The following EDA variants were observed in gnomAD, a reference collection of about 807,000 sequenced individuals.
EDA encodes ectodysplasin-A.
A neutral mutation model predicts 23.6 loss-of-function variants in EDA; 2 were observed. The ratio of observed to expected loss-of-function variants is 0.08; its 90% CI spans 0.03 to 0.27. The LOEUF is 0.27. EDA is among the 10% of genes least tolerant of loss of function. The pLI is 1.00. For synonymous variants in EDA, 131 were observed against 132.0 expected (o/e 0.99, Z 0.05); for missense variants, 229 against 324.2 (o/e 0.71, Z 2.26).
intron 1 of EDA, among the ~76,000 whole-genome samples, chrX:69,686,533 AT>A (rs1934549671): frequency 9.0e-6 from 1 of 111,639 alleles, no homozygotes; most frequent in Non-Finnish European, 1.9e-5. Context: ...ATCATAATCA[AT>A]TTTAGAGACA....
In EDA at chrX:69,881,194, A is replaced by AT. The variant is rs1391282765; in HGVS notation, c.397-75822dup. The stretch of plus-strand genomic sequence containing the variant: ...CTAGCTTTCCGACATTTTTGTTTTA[A>AT]TTTTTTTTTTTAAGGATAGCTCTTA... On this transcript the variant is annotated intron_variant, in intron 1 of 7. Transcript: ENST00000374552. Among the ~76,000 whole-genome samples the AT allele has an allele frequency of 4.6e-4, 49 of 105,870 alleles. 1 individual carries two copies. Among genetic ancestry groups the AT allele is most frequent in the Admixed American group, 8.1e-4 (8 of 9,906 alleles). The allele number at this position is 105,870 out of a possible 115,157, so 91.9% of individuals were successfully genotyped here.
chrX:69,645,598 G>GTATATATATATA (rs1398841742), intron 1 of EDA, among the ~76,000 whole-genome samples: 1 of 31,991 alleles, frequency 3.1e-5, no homozygotes, highest in African/African-American at 2.4e-4. Flanking sequence ...ATATATGTGT[G>GTATATATATATA]TGTGTATATA....
chrX:69,670,183 G>GT (rs544601085), intron 1 of EDA: 11,705 of 221,243 alleles, frequency 0.053, 32 homozygotes, highest in East Asian at 0.11. Context: ...TTGGCTGACT[G>GT]TTTTTTTTTT....
intron 1 of EDA, among the ~76,000 whole-genome samples, chrX:69,762,577 T>C (rs2014342262): frequency 8.9e-6 from 1 of 112,086 alleles, no homozygotes; most frequent in Admixed American, 9.5e-5. Flanking sequence ...GTGTGGACTG[T>C]GGCCCAAGCA....
chrX:69,635,646 G>C (rs376561499), intron 1 of EDA, among the ~76,000 whole-genome samples: 23 of 96,419 alleles, frequency 2.4e-4, no homozygotes, highest in East Asian at 1.9e-3. Flanking sequence ...TCGGCTCACT[G>C]CAACCTCTGC....
intron 1 of EDA, among the ~76,000 whole-genome samples, chrX:69,772,210 T>C (rs1388959506): frequency 8.9e-6 from 1 of 112,043 alleles, no homozygotes; most frequent in East Asian, 2.8e-4. Context: ...TCCTCTCACC[T>C]TGGCCTCCCA....
chrX:69,970,984 T>C (rs1333457797), intron 2 of EDA, among the ~76,000 whole-genome samples: 2 of 112,242 alleles, frequency 1.8e-5, no homozygotes, highest in Non-Finnish European at 3.8e-5. Flanking sequence ...CTAAAATATT[T>C]CATATGGATT....
chrX:69,776,210 G>A (rs745337441), intron 1 of EDA, among the ~76,000 whole-genome samples: 1 of 111,838 alleles, frequency 8.9e-6, no homozygotes, highest in Non-Finnish European at 1.9e-5. Context: ...TCAATTTGAT[G>A]CCAGGCAAGC....
intron 1 of EDA, among the ~76,000 whole-genome samples, chrX:69,704,020 G>C (rs775371363): frequency 8.9e-6 from 1 of 112,084 alleles, no homozygotes; most frequent in South Asian, 3.7e-4. Flanking sequence ...AGGCATTGAT[G>C]AAAAGAGTTG....
At chrX:69,636,270 C>G (rs1379247042) in intron 1 of EDA, among the ~76,000 whole-genome samples, 1 of 109,779 alleles carries the variant, frequency 9.1e-6, no homozygotes, top group Non-Finnish European at 1.9e-5. Context: ...TGCTCCCTTT[C>G]TCACCATGTG....
intron 1 of EDA, among the ~76,000 whole-genome samples, chrX:69,747,446 T>C (rs957914012): frequency 8.9e-6 from 1 of 112,670 alleles, no homozygotes; most frequent in Non-Finnish European, 1.9e-5. Context: ...TTATAAGCCA[T>C]GTACAAGGAA....
chrX:69,886,226 C>A (rs758669954), intron 1 of EDA, among the ~76,000 whole-genome samples: 1 of 112,048 alleles, frequency 8.9e-6, no homozygotes, highest in South Asian at 3.7e-4. Flanking sequence ...CATCAGCCCC[C>A]CTCAGCTGTA....
chrX:69,881,025 A>G (rs979039872), intron 1 of EDA, among the ~76,000 whole-genome samples: 1 of 111,083 alleles, frequency 9.0e-6, no homozygotes, highest in Non-Finnish European at 1.9e-5. Context: ...TTATCCCTGT[A>G]TAGAAAAATC....
intron 1 of EDA, among the ~76,000 whole-genome samples, chrX:69,841,201 C>A (rs1249382556): frequency 9.0e-6 from 1 of 111,341 alleles, no homozygotes; most frequent in African/African-American, 3.3e-5. Flanking sequence ...TCTAGGTGAG[C>A]AAAAGAAATA....
At chrX:69,944,743 C>T (rs1002876941) in intron 1 of EDA, among the ~76,000 whole-genome samples, 4 of 111,799 alleles carry the variant, frequency 3.6e-5, no homozygotes, top group African/African-American at 1.3e-4. Flanking sequence ...AGCACCAGGA[C>T]TTGCCCAGGA....
intron 1 of EDA, among the ~76,000 whole-genome samples, chrX:69,677,931 C>T (rs1358447073): frequency 9.0e-6 from 1 of 111,729 alleles, no homozygotes; most frequent in Admixed American, 9.5e-5. Context: ...CCTAGGTTTT[C>T]TTCTAGGGTT....
At position 69,784,910 on chromosome X, in the gene EDA, C is replaced by T. The variant is rs1315747583; in HGVS notation, c.396+168206C>T. Among the ~76,000 whole-genome samples, 3 of 111,270 alleles carry T rather than the reference C, an allele frequency of 2.7e-5. No individual in the cohort carries two copies. The Admixed American group carries it at 2.9e-4, about 11-fold the overall frequency. On this transcript the variant is annotated intron_variant, in intron 1 of 7. Coordinates refer to ENST00000374552, the MANE Select transcript of EDA (RefSeq NM_001399.5). ...CATGGCCATTTTCACGATATTGATT[C>T]TTCCTACCCATGAGCATGGAATGTT...
chrX:69,654,718 G>C (rs1203619537), intron 1 of EDA, among the ~76,000 whole-genome samples: 1 of 101,417 alleles, frequency 9.9e-6, no homozygotes, highest in South Asian at 5.1e-4. Context: ...AACACTGCAT[G>C]TTCTCACTCA....
intron 1 of EDA, among the ~76,000 whole-genome samples, chrX:69,801,905 T>C (rs1051365852): frequency 9.0e-6 from 1 of 111,599 alleles, no homozygotes; most frequent in African/African-American, 3.3e-5. Flanking sequence ...CTGGTGGTAG[T>C]GTAAATAGTT....
Sources: allele counts gnomAD v4.1 joint callset (sites outside exome capture counted in the v4.1 genomes callset), GRCh38; gene constraint gnomAD v4.1.1; transcripts MANE v1.5; gene names NCBI Gene and HGNC (gene_info 2026-07-23, HGNC 2026-07-21).